Variants in MYO6 observed in about 807,000 individuals in gnomAD.
MYO6 encodes the protein myosin VI.
Under a neutral mutation model 178.7 loss-of-function variants are expected in MYO6, and 74 were observed. That is an observed-to-expected ratio of 0.41 (90% CI 0.34 to 0.50). MYO6 has a LOEUF of 0.50. Among genes scored for constraint, MYO6 ranks in the 20% least tolerant of loss-of-function variants. The pLI is 0.09. For synonymous variants in MYO6, 477 were observed against 504.6 expected (o/e 0.95, Z 0.73); for missense variants, 1,330 against 1,547.4 (o/e 0.86, Z 2.36).
intron 3 of MYO6, among the ~76,000 whole-genome samples, chr6:75,826,450 C>T (rs1000625969): frequency 2.6e-5 from 4 of 152,244 alleles, no homozygotes; most frequent in East Asian, 3.9e-4. Context: ...ATATGATTAG[C>T]GTTCACAGGG....
chr6:75,850,061 G>T (rs947329814), intron 11 of MYO6, among the ~76,000 whole-genome samples: 10 of 152,152 alleles, frequency 6.6e-5, no homozygotes, highest in African/African-American at 2.4e-4. Flanking sequence ...CTTTCTTGGG[G>T]AAGAAAACAC....
At chr6:75,835,679 TC>T (rs1168850359) in intron 6 of MYO6, among the ~76,000 whole-genome samples, 1 of 151,962 alleles carries the variant, frequency 6.6e-6, no homozygotes, top group African/African-American at 2.4e-5. Flanking sequence ...TAATCCACCC[TC>T]CTTGGCCTCC....
rs200014336 is a variant in MYO6 at position 75,915,413 on chromosome 6, A to G, written c.*401A>G. 118 of 208,460 alleles carry G rather than the reference A, an allele frequency of 5.7e-4. 2 individuals carry two copies. The East Asian group carries it at 6.1e-3, about 11-fold the overall frequency. 12.9% of individuals were successfully genotyped at this position (208,460 alleles called of 1,614,324 possible). ...CTGGAGTAATAAAACATGAGCTTAC[A>G]TTCTTACAATAACTAAACCACTTAA... On this transcript the variant is annotated 3_prime_UTR_variant, in exon 35 of 35. Coordinates refer to ENST00000369977, the MANE Select transcript of MYO6 (RefSeq NM_004999.4).
At chr6:75,820,494 C>T (rs1461152279) in intron 2 of MYO6, among the ~76,000 whole-genome samples, 2 of 152,026 alleles carry the variant, frequency 1.3e-5, no homozygotes, top group African/African-American at 2.4e-5. Flanking sequence ...CTCAGCCTCC[C>T]GAGTAGCTGG....
intron 1 of MYO6, among the ~76,000 whole-genome samples, chr6:75,793,783 T>C (rs941147923): frequency 1.3e-5 from 2 of 152,190 alleles, no homozygotes; most frequent in African/African-American, 4.8e-5. Context: ...TATATCTTCT[T>C]TCTCTTCTGA....
chr6:75,770,207 A>G (rs1765734447), intron 1 of MYO6, among the ~76,000 whole-genome samples: 1 of 152,200 alleles, frequency 6.6e-6, no homozygotes, highest in South Asian at 2.1e-4. Flanking sequence ...GGCCCTTTCC[A>G]GAAGCAGATG....
chr6:75,821,626 C>T (rs1199352343), intron 2 of MYO6, among the ~76,000 whole-genome samples: 1 of 151,264 alleles, frequency 6.6e-6, no homozygotes, highest in Non-Finnish European at 1.5e-5. Context: ...TGTAGCTTTA[C>T]ACACACACAC....
intron 13 of MYO6, among the ~76,000 whole-genome samples, chr6:75,858,063 A>G (rs936078173): frequency 7.0e-5 from 10 of 143,376 alleles, no homozygotes; most frequent in Non-Finnish European, 1.4e-4. Context: ...GTAGAGAATT[A>G]TTATTATTAT....
chr6:75,866,843 T>C, intron 17 of MYO6, 89 bp from the exon 18 acceptor site: 1 of 1,400,810 alleles, frequency 7.1e-7, no homozygotes, highest in East Asian at 2.3e-5. Flanking sequence ...AACATTTCTG[T>C]CATCACAGAA....
At chr6:75,822,092 AT>A (rs1178676334) in intron 2 of MYO6, among the ~76,000 whole-genome samples, 5 of 148,964 alleles carry the variant, frequency 3.4e-5, no homozygotes, top group East Asian at 2.0e-4. Flanking sequence ...TTGAGATGGA[AT>A]TTTTTTCTGT....
At chr6:75,782,211 A>G (rs1366050491) in intron 1 of MYO6, among the ~76,000 whole-genome samples, 2 of 152,136 alleles carry the variant, frequency 1.3e-5, no homozygotes, top group African/African-American at 4.8e-5. Flanking sequence ...GAATTTAATG[A>G]TAGACCAAAA....
intron 1 of MYO6, among the ~76,000 whole-genome samples, chr6:75,799,389 TAAAAAA>T (rs11358717): frequency 7.5e-6 from 1 of 133,730 alleles, no homozygotes; most frequent in African/African-American, 2.7e-5. Flanking sequence ...AAACTCTGTC[TAAAAAA>T]AAAAAAAAAA....
At chr6:75,792,113 A>G (rs1373563277) in intron 1 of MYO6, among the ~76,000 whole-genome samples, 2 of 152,214 alleles carry the variant, frequency 1.3e-5, no homozygotes, top group Non-Finnish European at 2.9e-5. Flanking sequence ...AATGAAAACA[A>G]TAACACTGGT....
At chr6:75,911,780 T>TA in intron 33 of MYO6, 82 bp downstream of exon 33, 1 of 1,347,140 alleles carries the variant, frequency 7.4e-7, no homozygotes, top group Non-Finnish European at 1.1e-6. Flanking sequence ...TATTAAAAGT[T>TA]GTTTTGCTAC....
At position 75,792,390 on chromosome 6, in the gene MYO6, A is replaced by G. The variant is rs570284669; in HGVS notation, c.-47-25111A>G. Among the ~76,000 whole-genome samples, 20 of 152,304 alleles carry G rather than the reference A, an allele frequency of 1.3e-4. No homozygotes were observed. In the South Asian group the frequency reaches 3.9e-3, roughly 30 times the overall value. Reference sequence around the variant, plus strand: ...AATTATTCTCAAGAATATAAGGTGGACTGTATACTTATTTTTTACAAAGGG... The same window carrying G: ...AATTATTCTCAAGAATATAAGGTGGGCTGTATACTTATTTTTTACAAAGGG... On this transcript the variant is annotated intron_variant, in intron 1 of 34. Transcript: ENST00000369977.
chr6:75,814,970 C>T (rs1004080221), intron 1 of MYO6, among the ~76,000 whole-genome samples: 2 of 152,098 alleles, frequency 1.3e-5, no homozygotes, highest in Non-Finnish European at 2.9e-5. Context: ...TATTGAGTTG[C>T]TTACTGTGTG....
At chr6:75,798,361 A>C (rs1458127985) in intron 1 of MYO6, among the ~76,000 whole-genome samples, 1 of 152,146 alleles carries the variant, frequency 6.6e-6, no homozygotes, top group African/African-American at 2.4e-5. Flanking sequence ...TACCAATACC[A>C]TGCTGTTTTG....
Position 75,804,992 on chromosome 6 carries a change from T to TAC in MYO6, c.-47-12499_-47-12498dup, listed in dbSNP as rs1277901885. 2.3e-3 allele frequency among the ~76,000 whole-genome samples: 279 copies of TAC among 118,736 alleles called. 1 individual carries two copies. Among genetic ancestry groups the TAC allele is most frequent in the African/African-American group, 6.4e-3 (180 of 28,312 alleles). The allele number at this position is 118,736 out of a possible 152,430, so 77.9% of individuals were successfully genotyped here. On this transcript the variant is annotated intron_variant, in intron 1 of 34. Coordinates refer to ENST00000369977, the MANE Select transcript of MYO6 (RefSeq NM_004999.4). ...ACATATATACACACACATATATATA[T>TAC]ACACACACACATATATATATATATA...
At chr6:75,911,558 G>A in intron 32 of MYO6, 114 bp from the exon 33 acceptor site, 1 of 884,208 alleles carries the variant, frequency 1.1e-6, no homozygotes, top group Non-Finnish European at 1.9e-6. Context: ...TTGTGGATAG[G>A]ATATTTACTT....
Sources: gnomAD v4.1 joint callset for allele counts (sites outside exome capture counted in the v4.1 genomes callset) on GRCh38, gnomAD v4.1.1 for gene constraint, MANE v1.5 for transcripts, NCBI Gene and HGNC (gene_info 2026-07-23, HGNC 2026-07-21) for gene names.